TMEM9: variants seen among roughly 807,000 people sequenced by gnomAD.
TMEM9 encodes the protein transmembrane protein 9.
A neutral mutation model predicts 22.8 loss-of-function variants in TMEM9; 13 were observed. The ratio of observed to expected loss-of-function variants is 0.57; its 90% confidence interval spans 0.37 to 0.91. The LOEUF (loss-of-function observed/expected upper bound fraction) is 0.91, where lower values mean the gene tolerates loss of function less well. TMEM9 is among the 40% of genes least tolerant of loss of function. TMEM9 has a pLI of 0.01. For synonymous variants in TMEM9, 88 were observed against 93.0 expected, an observed-to-expected ratio of 0.95 and a Z score of 0.31; for missense variants, 182 against 238.1, an observed-to-expected ratio of 0.76 and a Z score of 1.55.
chr1:201,159,034 C>T (rs1340301459), upstream of TMEM9, among the ~76,000 whole-genome samples: 1 of 152,300 alleles, frequency 6.6e-6, no homozygotes, highest in South Asian at 2.1e-4. Context: ...CTTATCTGTC[C>T]AGTGTCTCAT....
upstream of TMEM9, among the ~76,000 whole-genome samples, chr1:201,159,048 C>G (rs1665878112): frequency 6.6e-6 from 1 of 152,116 alleles, no homozygotes; most frequent in Non-Finnish European, 1.5e-5. Context: ...GTCTCATAAC[C>G]TCAAGCTCCT....
At chr1:201,158,249 A>T (rs1343232000), upstream of TMEM9, among the ~76,000 whole-genome samples, 1 of 152,232 alleles carries the variant, frequency 6.6e-6, no homozygotes. Flanking sequence ...TTTTAGTTCA[A>T]GAGAACACCT....
At chr1:201,166,205 A>G (rs1666074281) in intron 1 of TMEM9, among the ~76,000 whole-genome samples, 1 of 151,944 alleles carries the variant, frequency 6.6e-6, no homozygotes. Context: ...TTTCTCTAAT[A>G]AATCTGCCTT....
At chr1:201,139,075 C>T (rs146237996) in intron 4 of TMEM9, among the ~76,000 whole-genome samples, 29 of 152,224 alleles carry the variant, frequency 1.9e-4, no homozygotes, top group African/African-American at 6.8e-4. Context: ...TCAAACTAGC[C>T]CTGAGCCCTT....
At chr1:201,165,143 G>A (rs992264868) in intron 1 of TMEM9, among the ~76,000 whole-genome samples, 4 of 83,374 alleles carry the variant, frequency 4.8e-5, no homozygotes, top group Non-Finnish European at 9.5e-5. Context: ...CACTTTTTAA[G>A]AGAAAATTAT....
chr1:201,160,853 G>A (rs530356471), intron 1 of TMEM9, among the ~76,000 whole-genome samples: 10 of 151,106 alleles, frequency 6.6e-5, no homozygotes, highest in Admixed American at 3.3e-4. Context: ...GGAGAATGGC[G>A]TGAACCCGGG....
At chr1:201,152,786 T>C (rs1180988582) in intron 1 of TMEM9, among the ~76,000 whole-genome samples, 1 of 152,196 alleles carries the variant, frequency 6.6e-6, no homozygotes, top group Non-Finnish European at 1.5e-5. Context: ...ATGTTAACAT[T>C]GCAGAAAAGC....
At chr1:201,157,009 C>A (rs1018167596), upstream of TMEM9, among the ~76,000 whole-genome samples, 1 of 151,878 alleles carries the variant, frequency 6.6e-6, no homozygotes, top group Non-Finnish European at 1.5e-5. Flanking sequence ...TGTCTCCTGG[C>A]CATGAAGATC....
At chr1:201,160,538 G>A (rs957674687) in intron 1 of TMEM9, among the ~76,000 whole-genome samples, 4 of 152,034 alleles carry the variant, frequency 2.6e-5, no homozygotes, top group Admixed American at 2.0e-4. Context: ...GTGGTGAGCC[G>A]AGATCGCGCC....
intron 3 of TMEM9, 136 bp from the exon 4 acceptor site, chr1:201,144,087 G>A (rs1288238032): frequency 1.3e-5 from 12 of 910,810 alleles, no homozygotes; most frequent in East Asian, 2.7e-5. Flanking sequence ...TGGAGGCAAC[G>A]TGGGCTCAGA....
intron 2 of TMEM9, 74 bp downstream of exon 2, chr1:201,151,687 G>A (rs1208769497): frequency 2.8e-6 from 3 of 1,088,576 alleles, no homozygotes; most frequent in Non-Finnish European, 4.2e-6. Context: ...TATCCTCCAG[G>A]GTCCAAGAAC....
chr1:201,158,793 T>C (rs80012773), upstream of TMEM9, among the ~76,000 whole-genome samples: 18,004 of 152,160 alleles, frequency 0.12, 1,333 homozygotes, highest in Middle Eastern at 0.17. Flanking sequence ...CCAAAACCCA[T>C]ACCCTCTAGT....
rs778861408 is a variant in TMEM9 at position 201,146,763 on chromosome 1, C to T, written c.244G>A (p.Glu82Lys). 1.9e-6 allele frequency: 3 copies of T among 1,614,238 alleles called. No individual in the cohort carries two copies. Among genetic ancestry groups the T allele is most frequent in the Middle Eastern group, 1.7e-4 (1 of 6,058 alleles). ...YCLLCECRYE[E>K]RSTTTIKVII... ...ACCTTGATGGTGGTGGTGCTGCGCT[C>T]CTCGTACCTGCACTCGCACAGCAGG... The change falls in exon 3 of 5, where the codon GAG (glutamate) becomes AAG (lysine). Residue 82 changes from glutamate to lysine, a missense_variant. Coordinates refer to ENST00000367330, the MANE Select transcript of TMEM9 (RefSeq NM_001288565.2).
At chr1:201,160,309 G>T (rs1270466477) in intron 1 of TMEM9, among the ~76,000 whole-genome samples, 2 of 152,212 alleles carry the variant, frequency 1.3e-5, no homozygotes, top group East Asian at 3.8e-4. Flanking sequence ...TTGAGGTTAG[G>T]CCAGGCATGT....
In TMEM9 at chr1:201,154,128, T is replaced by G; in HGVS notation, c.-205A>C. 1 of 592,064 alleles carries G rather than the reference T, an allele frequency of 1.7e-6. No homozygotes were observed. The highest frequency in any genetic ancestry group is 3.2e-5 in the East Asian group (1 of 31,462). 36.7% of individuals were successfully genotyped at this position (592,064 alleles called of 1,614,324 possible). A position where few individuals can be genotyped will look rare whatever the true frequency, so the allele number is the denominator to read the frequency against. On this transcript the variant is annotated 5_prime_UTR_variant, in exon 1 of 5. Coordinates refer to ENST00000367330, the MANE Select transcript of TMEM9 (RefSeq NM_001288565.2). ...ACCCTGCTTCCCTCCCGCCCAACTC[T>G]CCGGCTCTCCGCCAGCCACCTGGTG... is the stretch of plus-strand genomic sequence containing the variant.
chr1:201,146,562 C>G, intron 3 of TMEM9, 178 bp downstream of exon 3: 1 of 706,598 alleles, frequency 1.4e-6, no homozygotes, highest in Admixed American at 2.0e-5. Context: ...GAGAAGGGAG[C>G]TGGCTCCAGG....
At chr1:201,137,470 TAACACACA>T (rs975531717) in intron 4 of TMEM9, among the ~76,000 whole-genome samples, 3 of 98,748 alleles carry the variant, frequency 3.0e-5, no homozygotes, top group African/African-American at 8.0e-5. Context: ...CCAAATTATC[TAACACACA>T]CACACACACA....
Position 201,153,963 on chromosome 1 carries a change from GAA to G in TMEM9, c.-42_-41del. 2.5e-6 allele frequency: 4 copies of G among 1,583,284 alleles called. No individual in the cohort carries two copies. Among genetic ancestry groups the G allele is most frequent in the Non-Finnish European group, 3.4e-6 (4 of 1,164,472 alleles). On this transcript the variant is annotated 5_prime_UTR_variant, in exon 1 of 5. The change abolishes the stop of an existing upstream ORF in the 5' untranslated region. Transcript: ENST00000367330. ...CTGGGCCAGCAAAGCCGGACACCTG[GAA>G]AAAGAGATACGGAGTCGGAGAAGGG...
intron 4 of TMEM9, among the ~76,000 whole-genome samples, chr1:201,138,156 T>C (rs1483631888): frequency 6.6e-6 from 1 of 151,786 alleles, no homozygotes; most frequent in Non-Finnish European, 1.5e-5. Flanking sequence ...CTTGGAAGGG[T>C]GGGGCAGCTT....
Sources: gnomAD v4.1 joint callset for allele counts (sites outside exome capture counted in the v4.1 genomes callset) on GRCh38, gnomAD v4.1.1 for gene constraint, MANE v1.5 for transcripts, NCBI Gene and HGNC (gene_info 2026-07-23, HGNC 2026-07-21) for gene names.